TMEM131: variants seen among roughly 807,000 people sequenced by gnomAD.
The protein encoded by TMEM131 is transmembrane protein 131.
A neutral mutation model predicts 211.6 loss-of-function variants in TMEM131; 66 were observed. The ratio of observed to expected loss-of-function variants is 0.31; its 90% confidence interval spans 0.26 to 0.38. The LOEUF is 0.38. Ranked by LOEUF, TMEM131 falls within the 10% of genes least tolerant of loss-of-function variation. The pLI, the probability that TMEM131 is intolerant of heterozygous loss-of-function variation, is 1.00. For missense variants in TMEM131, 2,036 were observed against 2,299.3 expected (o/e 0.89, Z 2.34); for synonymous variants, 844 against 841.3 (o/e 1.00, Z -0.06).
intron 3 of TMEM131, among the ~76,000 whole-genome samples, chr2:97,908,102 A>G (rs1676146930): frequency 6.6e-6 from 1 of 152,216 alleles, no homozygotes; most frequent in African/African-American, 2.4e-5. Flanking sequence ...TACAGATGTG[A>G]GAAGGTATCA....
intron 1 of TMEM131, among the ~76,000 whole-genome samples, chr2:97,954,536 G>A (rs7601898): frequency 0.33 from 50,806 of 152,088 alleles, 9,334 homozygotes; most frequent in Non-Finnish European, 0.39. Flanking sequence ...CGGGCGCAGT[G>A]GCTCACGCCT....
In TMEM131 at chr2:97,834,739, C is replaced by A. The variant is rs1350859360; in HGVS notation, c.955+36G>T. On this transcript the variant is annotated intron_variant, in intron 9 of 40. Coordinates refer to ENST00000186436, the MANE Select transcript of TMEM131 (RefSeq NM_015348.2). ...TTGCCAGAGTAAGCTATACTGAAAACAAAACAACTTTCGATTTCATCAGTT... is the reference window on the plus strand; with the variant it reads ...TTGCCAGAGTAAGCTATACTGAAAAAAAAACAACTTTCGATTTCATCAGTT... 2.5e-6 allele frequency: 4 copies of A among 1,607,952 alleles called. No individual in the cohort carries two copies. The African/African-American group carries it at 4.0e-5, about 16-fold the overall frequency.
intron 22 of TMEM131, among the ~76,000 whole-genome samples, 189 bp downstream of exon 22, chr2:97,804,899 G>A (rs1681219033): frequency 6.6e-6 from 1 of 152,170 alleles, no homozygotes; most frequent in Admixed American, 6.5e-5. Context: ...ATGACAGTAT[G>A]TATATTTCCA....
chr2:97,883,341 T>C (rs1363807242), intron 4 of TMEM131, among the ~76,000 whole-genome samples: 1 of 152,212 alleles, frequency 6.6e-6, no homozygotes, highest in African/African-American at 2.4e-5. Flanking sequence ...TTTGCTATGC[T>C]TCAAATAAAT....
chr2:97,907,097 CAT>C lies in TMEM131; in HGVS notation c.290+1559_290+1560del, dbSNP rs576260721. 3 of 152,248 alleles carry C rather than the reference CAT, an allele frequency of 2.0e-5. No homozygotes were observed. The South Asian group carries it at 6.2e-4, about 32-fold the overall frequency. 9.4% of individuals were successfully genotyped at this position (152,248 alleles called of 1,614,324 possible). A position where few individuals can be genotyped will look rare whatever the true frequency, so the allele number is the denominator to read the frequency against. ...GAATCAAGGAAGAATCACAAGATAA[CAT>C]ATATGTTTTTCTCACCATTATTTTG... On this transcript the variant is annotated intron_variant, in intron 3 of 40. Transcript: ENST00000186436.
Position 97,838,426 on chromosome 2 carries a change from CTTTTTTTTTTTTTTTTTTTT to C in TMEM131, c.724-1289_724-1270del, listed in dbSNP as rs753635047. 1.2e-4 allele frequency among the ~76,000 whole-genome samples: 11 copies of C among 89,094 alleles called. No individual in the cohort carries two copies. The East Asian group carries it at 2.5e-3, about 20-fold the overall frequency. The allele number at this position is 89,094 out of a possible 152,430, so 58.4% of individuals were successfully genotyped here. A position where few individuals can be genotyped will look rare whatever the true frequency, so the allele number is the denominator to read the frequency against. On this transcript the variant is annotated intron_variant, in intron 7 of 40. Transcript: ENST00000186436. ...AAAAATGGCAATTCTTAAGCTTAAA[CTTTTTTTTTTTTTTTTTTTT>C]TTTTTTTTTTTTTTTTGAGACGGAG...
intron 2 of TMEM131, among the ~76,000 whole-genome samples, chr2:97,923,922 T>C (rs1200749455): frequency 2.6e-5 from 4 of 151,794 alleles, no homozygotes; most frequent in African/African-American, 9.7e-5. Flanking sequence ...CTACTAAAAA[T>C]ACAAAAAATT....
rs759492718 is a variant in TMEM131, at chr2:97,805,338, G to A, written c.2284+38C>T. On this transcript the variant is annotated intron_variant, in intron 21 of 40. Coordinates refer to ENST00000186436, the MANE Select transcript of TMEM131 (RefSeq NM_015348.2). ...CTCTTACTAAAAGAGTATTTTGGGG[G>A]AAGTGAAGACATGAGAGAGAACAGC... The A allele has an allele frequency of 2.5e-6, 4 of 1,599,760 alleles. No homozygotes were observed. In the Admixed American group the frequency reaches 6.9e-5, roughly 28 times the overall value.
intron 1 of TMEM131, among the ~76,000 whole-genome samples, chr2:97,945,243 T>C (rs1213869597): frequency 2.0e-5 from 3 of 152,122 alleles, no homozygotes; most frequent in African/African-American, 7.2e-5. Flanking sequence ...ATTCCATTTA[T>C]AGGAAACGTC....
intron 7 of TMEM131, among the ~76,000 whole-genome samples, chr2:97,837,897 T>C (rs1193026679): frequency 6.6e-6 from 1 of 152,230 alleles, no homozygotes; most frequent in Non-Finnish European, 1.5e-5. Flanking sequence ...TGTCCCTTCC[T>C]ATTTCTAGGC....
intron 2 of TMEM131, among the ~76,000 whole-genome samples, chr2:97,916,861 T>G (rs767132600): frequency 3.9e-5 from 6 of 152,198 alleles, no homozygotes; most frequent in Non-Finnish European, 7.3e-5. Flanking sequence ...ATGAATACCA[T>G]CTCATGTATT....
In TMEM131 at chr2:97,814,527, T is replaced by C. The variant is rs533401769; in HGVS notation, c.1293-139A>G. The C allele has an allele frequency of 2.8e-5, 25 of 889,694 alleles. No homozygotes were observed. In the African/African-American group the frequency reaches 4.1e-4, roughly 15 times the overall value. The allele number at this position is 889,694 out of a possible 1,614,324, so 55.1% of individuals were successfully genotyped here. A position where few individuals can be genotyped will look rare whatever the true frequency, so the allele number is the denominator to read the frequency against. Reference sequence around the variant, plus strand: ...TTAAAGATTTAGAACTATAATATTTTAGTGATTGACTATATGATTTAAAAC... The same window carrying C: ...TTAAAGATTTAGAACTATAATATTTCAGTGATTGACTATATGATTTAAAAC... On this transcript the variant is annotated intron_variant, in intron 13 of 40. Transcript: ENST00000186436.
intron 2 of TMEM131, among the ~76,000 whole-genome samples, chr2:97,926,901 C>T (rs925894839): frequency 6.6e-6 from 1 of 152,182 alleles, no homozygotes; most frequent in Non-Finnish European, 1.5e-5. Flanking sequence ...GAAATTCAGT[C>T]CTGATTTGTC....
chr2:97,811,214 A>T lies in TMEM131; in HGVS notation c.1882T>A (p.Tyr628Asn). The change falls in exon 18 of 41, where the codon TAT becomes AAT. Residue 628 changes from tyrosine (Y) to asparagine (N), a missense_variant. By Grantham distance (143) the Tyr-to-Asn change is moderately radical. Coordinates refer to ENST00000186436, the MANE Select transcript of TMEM131 (RefSeq NM_015348.2). ...AGTTTGACTCTGAAGACTGCAAAATAGCCTGAAGCTAATGTTACCTGTAGA... is the reference window on the plus strand; with the variant it reads ...AGTTTGACTCTGAAGACTGCAAAATTGCCTGAAGCTAATGTTACCTGTAGA... ...DQSSVTLASG[Y>N]FAVFRVKLTA... 1 of 1,613,526 alleles carries T rather than the reference A, an allele frequency of 6.2e-7. No individual in the cohort carries two copies. Among genetic ancestry groups the T allele is most frequent in the Non-Finnish European group, 8.5e-7 (1 of 1,179,528 alleles).
rs1681524069 is a variant in TMEM131 at position 97,810,995 on chromosome 2, A to G, written c.1968+133T>C. On this transcript the variant is annotated intron_variant, in intron 18 of 40. Coordinates refer to ENST00000186436, the MANE Select transcript of TMEM131 (RefSeq NM_015348.2). Reference sequence around the variant, plus strand: ...CAATATTCTATAAACTATTCTCGAAAGCTCAGTTTTTAAGGTATGAAACTG... The same window carrying G: ...CAATATTCTATAAACTATTCTCGAAGGCTCAGTTTTTAAGGTATGAAACTG... 11 of 689,360 alleles carry G rather than the reference A, an allele frequency of 1.6e-5. No individual in the cohort carries two copies. In the South Asian group the frequency reaches 2.0e-4, roughly 12 times the overall value. 42.7% of individuals were successfully genotyped at this position (689,360 alleles called of 1,614,324 possible).
At position 97,944,404 on chromosome 2, in the gene TMEM131, A is replaced by C. The variant is rs143738354; in HGVS notation, c.188-16917T>G. Among the ~76,000 whole-genome samples, 489 of 152,332 alleles carry C rather than the reference A, an allele frequency of 3.2e-3. 7 individuals carry two copies. In the East Asian group the frequency reaches 0.04, roughly 13 times the overall value. On this transcript the variant is annotated intron_variant, in intron 1 of 40. Transcript: ENST00000186436. The stretch of plus-strand genomic sequence containing the variant: ...AGATAACATAGATGTAAATCTTCAT[A>C]ACCTCTGATGAGGCAATGGTTTCTT...
At chr2:97,759,439 G>C (rs1157127963) in intron 39 of TMEM131, 6 of 568,148 alleles carry the variant, frequency 1.1e-5, no homozygotes, top group African/African-American at 9.4e-5. Context: ...ACCAACTGGT[G>C]TGCGCACACC....
At chr2:97,818,478 G>A (rs1221793210) in intron 12 of TMEM131, 135 bp downstream of exon 12, 2 of 311,928 alleles carry the variant, frequency 6.4e-6, no homozygotes, top group Non-Finnish European at 1.2e-5. Flanking sequence ...GGGGGCGGGG[G>A]GGGATCAACC....
chr2:97,862,157 CCA>C (rs1467686975), intron 4 of TMEM131, among the ~76,000 whole-genome samples: 1 of 152,138 alleles, frequency 6.6e-6, no homozygotes, highest in Non-Finnish European at 1.5e-5. Flanking sequence ...TCTGCAAGAA[CCA>C]CAGTGTTGCT....
Sources: gnomAD v4.1 joint callset for allele counts (sites outside exome capture counted in the v4.1 genomes callset) on GRCh38, gnomAD v4.1.1 for gene constraint, MANE v1.5 for transcripts, NCBI Gene and HGNC (gene_info 2026-07-23, HGNC 2026-07-21) for gene names.